The following NUTF2 variants were observed in gnomAD, a reference collection of about 807,000 sequenced individuals.
NUTF2 encodes nuclear transport factor 2.
Under a neutral mutation model 18.5 loss-of-function variants are expected in NUTF2, and 3 were observed. That is an observed-to-expected ratio of 0.16 (90% CI 0.07 to 0.42). The LOEUF is 0.42. NUTF2 is among the 10% of genes least tolerant of loss of function. The pLI is 0.99. For synonymous variants in NUTF2, 51 were observed against 57.9 expected, an observed-to-expected ratio of 0.88 and a Z score of 0.54; for missense variants, 44 against 160.7, an observed-to-expected ratio of 0.27 and a Z score of 3.93.
intron 1 of NUTF2, among the ~76,000 whole-genome samples, chr16:67,858,131 ACAGG>A (rs1237346313): frequency 6.6e-6 from 1 of 152,234 alleles, no homozygotes; most frequent in Non-Finnish European, 1.5e-5. Flanking sequence ...AGAAAACAAT[ACAGG>A]AGGCAAAATG....
intron 1 of NUTF2, among the ~76,000 whole-genome samples, chr16:67,861,762 CT>C (rs1355543936): frequency 1.3e-5 from 2 of 152,160 alleles, no homozygotes; most frequent in Admixed American, 1.3e-4. Flanking sequence ...TGAGCCCGGG[CT>C]TTTTTGTTTC....
intron 2 of NUTF2, among the ~76,000 whole-genome samples, chr16:67,866,551 C>T (rs997909629): frequency 1.3e-5 from 2 of 151,876 alleles, no homozygotes; most frequent in Non-Finnish European, 2.9e-5. Context: ...CTGCAATGTC[C>T]ATCTCCTGGG....
At position 67,871,318 on chromosome 16, in the gene NUTF2, T is replaced by C. The variant is rs2058011137; in HGVS notation, c.*405T>C. ...AAAACCACAAAAATTTTCTTAACAG[T>C]TTAAATTGTTTTAATTAGTTTACTA... On this transcript the variant is annotated 3_prime_UTR_variant, in exon 5 of 5. Transcript: ENST00000219169. The C allele has an allele frequency of 6.4e-6, 1 of 156,906 alleles. No homozygotes were observed. The highest frequency in any genetic ancestry group is 2.4e-5 in the African/African-American group (1 of 41,508). The allele number at this position is 156,906 out of a possible 1,614,324, so 9.7% of individuals were successfully genotyped here.
intron 4 of NUTF2, among the ~76,000 whole-genome samples, chr16:67,869,677 C>T (rs780178993): frequency 3.3e-4 from 50 of 152,116 alleles, no homozygotes; most frequent in Non-Finnish European, 5.6e-4. Flanking sequence ...CCCATCTACA[C>T]GGGAGGCTGC....
Position 67,865,167 on chromosome 16 carries a change from A to C in NUTF2, c.37A>C (p.Ser13Arg). The C allele has an allele frequency of 6.2e-7, 1 of 1,613,064 alleles. No individual in the cohort carries two copies. The highest frequency in any genetic ancestry group is 8.5e-7 in the Non-Finnish European group (1 of 1,179,824). ...DKPIWEQIGS[S>R]FIQHYYQLFD... is the part of the protein sequence containing the mutation. ...GCCAATTTGGGAGCAGATTGGATCC[A>C]GCTTCATTCAACATTACTACCAGTT... Residue 13 changes from serine (S) to arginine (R), a missense_variant, in exon 2 of 5, where the codon AGC becomes CGC. Coordinates refer to ENST00000219169, the MANE Select transcript of NUTF2 (RefSeq NM_005796.3).
chr16:67,866,394 C>T (rs1598168662), intron 2 of NUTF2, among the ~76,000 whole-genome samples: 2 of 150,388 alleles, frequency 1.3e-5, no homozygotes, highest in Non-Finnish European at 2.9e-5. Flanking sequence ...GCAACTTCTG[C>T]CTCCTGGGTT....
At chr16:67,868,111 G>T (rs2057986755) in intron 2 of NUTF2, among the ~76,000 whole-genome samples, 2 of 152,142 alleles carry the variant, frequency 1.3e-5, no homozygotes, top group African/African-American at 2.4e-5. Flanking sequence ...AATACAAATG[G>T]GAAGTATATT....
intron 4 of NUTF2, chr16:67,870,145 T>C (rs183962920): frequency 6.6e-6 from 1 of 152,536 alleles, no homozygotes; most frequent in East Asian, 1.9e-4. Context: ...TAAACACTGC[T>C]GCTTCCCACC....
intron 1 of NUTF2, among the ~76,000 whole-genome samples, chr16:67,851,372 T>C (rs949935258): frequency 2.0e-5 from 3 of 151,872 alleles, no homozygotes; most frequent in Non-Finnish European, 4.4e-5. Context: ...TCCCAGCTAC[T>C]TGGGAGGCTG....
chr16:67,868,328 T>C lies in NUTF2; in HGVS notation c.100-12T>C. ...GAGGCCCCAACCCTGGGGTTTCCTG[T>C]GCCTTTTTCAGATTGACGCGTCATG... On this transcript the variant is annotated splice_polypyrimidine_tract_variant and intron_variant, in intron 2 of 4. Transcript: ENST00000219169. The C allele has an allele frequency of 6.2e-7, 1 of 1,612,692 alleles. No homozygotes were observed. The highest frequency in any genetic ancestry group is 8.5e-7 in the Non-Finnish European group (1 of 1,178,856).
At chr16:67,867,577 C>T (rs1174706450) in intron 2 of NUTF2, among the ~76,000 whole-genome samples, 2 of 152,096 alleles carry the variant, frequency 1.3e-5, no homozygotes, top group African/African-American at 4.8e-5. Context: ...CCCTGTCAGC[C>T]TCTATCTCTC....
intron 2 of NUTF2, among the ~76,000 whole-genome samples, chr16:67,866,760 C>T (rs1350694915): frequency 4.6e-5 from 7 of 152,156 alleles, no homozygotes; most frequent in Non-Finnish European, 7.3e-5. Flanking sequence ...AGCCACCGCG[C>T]CCGGCTACAC....
intron 4 of NUTF2, 147 bp from the exon 5 acceptor site, chr16:67,870,653 C>A: frequency 1.4e-6 from 1 of 698,008 alleles, no homozygotes; most frequent in Non-Finnish European, 2.6e-6. Flanking sequence ...TTCACATTCA[C>A]AAGTACCCCT....
chr16:67,868,069 C>T (rs912587747), intron 2 of NUTF2, among the ~76,000 whole-genome samples: 2 of 152,174 alleles, frequency 1.3e-5, no homozygotes, highest in African/African-American at 4.8e-5. Context: ...CCCTCCTGGG[C>T]CTATGCATAT....
In NUTF2 at chr16:67,851,100, C is replaced by T. The variant is rs553474663; in HGVS notation, c.-30+4115C>T. On this transcript the variant is annotated intron_variant, in intron 1 of 4. Coordinates refer to ENST00000219169, the MANE Select transcript of NUTF2 (RefSeq NM_005796.3). ...ACAGGTGTGAGCCACCGCACCTGGC[C>T]GAGCCCATCTCTTCTCTCTGAGCCA... Among the ~76,000 whole-genome samples, 11 of 152,130 alleles carry T rather than the reference C, an allele frequency of 7.2e-5. No individual in the cohort carries two copies. The South Asian group carries it at 1.7e-3, about 23-fold the overall frequency.
chr16:67,856,048 C>T, intron 1 of NUTF2: 1 of 759,328 alleles, frequency 1.3e-6, no homozygotes, highest in Non-Finnish European at 2.4e-6. Context: ...GGCACTCACC[C>T]ACTGTTACGA....
chr16:67,857,373 G>A (rs916739805), intron 1 of NUTF2, among the ~76,000 whole-genome samples: 2 of 152,144 alleles, frequency 1.3e-5, no homozygotes, highest in Non-Finnish European at 2.9e-5. Context: ...GGGGCCCTTA[G>A]GGTGCTGTGG....
intron 2 of NUTF2, among the ~76,000 whole-genome samples, chr16:67,866,082 G>A (rs536523918): frequency 6.6e-6 from 1 of 152,256 alleles, no homozygotes; most frequent in East Asian, 1.9e-4. Flanking sequence ...CTGCCTGAGA[G>A]TCAGTCACAA....
At chr16:67,851,752 A>G (rs2057859748) in intron 1 of NUTF2, among the ~76,000 whole-genome samples, 1 of 151,584 alleles carries the variant, frequency 6.6e-6, no homozygotes, top group Non-Finnish European at 1.5e-5. Flanking sequence ...GCAGTGGCTC[A>G]CGCCTGTAAT....
Sources: gnomAD v4.1 joint callset for allele counts (sites outside exome capture counted in the v4.1 genomes callset) on GRCh38, gnomAD v4.1.1 for gene constraint, MANE v1.5 for transcripts, NCBI Gene and HGNC (gene_info 2026-07-23, HGNC 2026-07-21) for gene names.